The following SMAP2 variants were observed in gnomAD, a reference collection of about 807,000 sequenced individuals.
SMAP2 encodes the protein stromal membrane-associated protein 2.
In SMAP2, 25 loss-of-function variants were observed where a neutral mutation model predicts 56.4. The ratio of observed to expected loss-of-function variants is 0.44; its 90% confidence interval spans 0.32 to 0.62. The LOEUF (loss-of-function observed/expected upper bound fraction) is 0.62, where lower values mean the gene tolerates loss of function less well. SMAP2 is among the 20% of genes least tolerant of loss of function. The pLI, the probability that SMAP2 is intolerant of heterozygous loss-of-function variation, is 0.04. For missense variants in SMAP2, 388 were observed against 545.6 expected (o/e 0.71, Z 2.88); for synonymous variants, 157 against 181.7 (o/e 0.86, Z 1.09).
At chr1:40,409,096 G>A (rs1644911797) in intron 3 of SMAP2, among the ~76,000 whole-genome samples, 1 of 152,140 alleles carries the variant, frequency 6.6e-6, no homozygotes, top group African/African-American at 2.4e-5. Flanking sequence ...CAGCAAAATT[G>A]CCATTCATTT....
At chr1:40,372,826 C>T (rs1465518601), upstream of SMAP2, among the ~76,000 whole-genome samples, 2 of 152,186 alleles carry the variant, frequency 1.3e-5, no homozygotes, top group East Asian at 1.9e-4. Flanking sequence ...GTTTCCCTCT[C>T]CCCTAGTACA....
intron 1 of SMAP2, among the ~76,000 whole-genome samples, chr1:40,353,479 C>T (rs1488974351): frequency 6.6e-6 from 1 of 152,202 alleles, no homozygotes; most frequent in African/African-American, 2.4e-5. Flanking sequence ...AGTGATTCTC[C>T]TGCCTCAGCC....
chr1:40,377,544 G>C (rs918459193), intron 1 of SMAP2, among the ~76,000 whole-genome samples: 1 of 152,106 alleles, frequency 6.6e-6, no homozygotes, highest in African/African-American at 2.4e-5. Context: ...AAAGCCCTGG[G>C]GTTAATGTGA....
rs1490291813 is a variant in SMAP2 at position 40,422,002 on chromosome 1, C to T, written c.1191C>T (p.Asn397=). The T allele has an allele frequency of 1.2e-6, 2 of 1,614,038 alleles. No homozygotes were observed. Among genetic ancestry groups the T allele is most frequent in the Non-Finnish European group, 1.7e-6 (2 of 1,180,040 alleles). Reference sequence around the variant, plus strand: ...TGACCCAGCAGATGGCTGGGATGAACTTCTATGGAGCCAATGGCATGATGA... The same window carrying T: ...TGACCCAGCAGATGGCTGGGATGAATTTCTATGGAGCCAATGGCATGATGA... ...TQMTQQMAGM[N]FYGANGMMNY... Residue 397 remains asparagine, a synonymous_variant, in exon 10 of 10, where the codon AAC becomes AAT. Transcript: ENST00000372718.
At chr1:40,388,913 G>C (rs1319539553) in intron 1 of SMAP2, among the ~76,000 whole-genome samples, 1 of 152,046 alleles carries the variant, frequency 6.6e-6, no homozygotes, top group Non-Finnish European at 1.5e-5. Context: ...CCACCGGGAG[G>C]AACGAACAAT....
At chr1:40,384,261 C>T (rs1195224845) in intron 1 of SMAP2, among the ~76,000 whole-genome samples, 1 of 152,140 alleles carries the variant, frequency 6.6e-6, no homozygotes, top group Non-Finnish European at 1.5e-5. Flanking sequence ...TTATCTTGTG[C>T]TGCATGTTAG....
Position 40,374,624 on chromosome 1 carries a change from T to TGTGA in SMAP2, c.103+402_103+403insTGAG, listed in dbSNP as rs1553189351. On this transcript the variant is annotated intron_variant, in intron 1 of 9. Transcript: ENST00000372718. The surrounding 1 kb of genome is among the most constrained non-coding windows in gnomAD (Gnocchi z 5.9). ...GTGTGTGTGTGTGTGTGTGTGTGTG[T>TGTGA]GAGAGAGAGAGAGAGAGAATGACGA... 11,879 of 821,132 alleles carry TGTGA rather than the reference T, an allele frequency of 0.014. 75 individuals carry two copies. Among genetic ancestry groups the TGTGA allele is most frequent in the Non-Finnish European group, 0.016 (8,357 of 521,516 alleles). 50.9% of individuals were successfully genotyped at this position (821,132 alleles called of 1,614,324 possible). A position where few individuals can be genotyped will look rare whatever the true frequency, so the allele number is the denominator to read the frequency against.
chr1:40,419,041 A>T (rs446738), intron 9 of SMAP2, among the ~76,000 whole-genome samples: 90,259 of 151,872 alleles, frequency 0.59, 27,491 homozygotes, highest in Middle Eastern at 0.72. Context: ...CAGAATATAC[A>T]TTATATTCTG....
At chr1:40,355,386 T>C (rs1414649239) in intron 1 of SMAP2, among the ~76,000 whole-genome samples, 1 of 152,186 alleles carries the variant, frequency 6.6e-6, no homozygotes, top group Non-Finnish European at 1.5e-5. Flanking sequence ...TCAATATGTA[T>C]TTATAATTGC....
At chr1:40,391,164 A>G (rs1386579403) in intron 1 of SMAP2, among the ~76,000 whole-genome samples, 1 of 152,126 alleles carries the variant, frequency 6.6e-6, no homozygotes, top group Non-Finnish European at 1.5e-5. Context: ...CCTTGAGGGG[A>G]AATCGTTTCT....
intron 1 of SMAP2, among the ~76,000 whole-genome samples, chr1:40,382,479 G>GTGCCTACC (rs1198524493): frequency 1.3e-5 from 2 of 152,150 alleles, no homozygotes; most frequent in East Asian, 3.9e-4. Flanking sequence ...TAAGCATACA[G>GTGCCTACC]TGCCTACCTT....
At chr1:40,410,397 T>C (rs1030154663) in intron 4 of SMAP2, among the ~76,000 whole-genome samples, 2 of 151,702 alleles carry the variant, frequency 1.3e-5, no homozygotes, top group African/African-American at 2.4e-5. Context: ...TTTCTTGGGA[T>C]GGACATGTTG....
intron 1 of SMAP2, among the ~76,000 whole-genome samples, chr1:40,399,310 A>ATTTTTTTTTT (rs747127620): frequency 1.1e-3 from 97 of 91,930 alleles, no homozygotes; most frequent in Non-Finnish European, 1.5e-3. Context: ...ACGTGTGGCT[A>ATTTTTTTTTT]TTTTTTTTTT....
intron 1 of SMAP2, among the ~76,000 whole-genome samples, chr1:40,352,818 A>G (rs1271086979): frequency 6.6e-6 from 1 of 152,116 alleles, no homozygotes; most frequent in Non-Finnish European, 1.5e-5. Flanking sequence ...GTGAGCCACC[A>G]CACGCGGCGC....
intron 1 of SMAP2, among the ~76,000 whole-genome samples, chr1:40,403,270 C>A: frequency 6.6e-6 from 1 of 152,152 alleles, no homozygotes; most frequent in Non-Finnish European, 1.5e-5. Context: ...CTTTGAGAGG[C>A]CAAGGCGGGT....
At chr1:40,361,169 G>A (rs898758268) in intron 1 of SMAP2, among the ~76,000 whole-genome samples, 6 of 152,196 alleles carry the variant, frequency 3.9e-5, no homozygotes, top group African/African-American at 1.4e-4. Context: ...GTAGGATAGG[G>A]CACCAGGCAG....
rs1041930817 is a variant in SMAP2, at chr1:40,385,593, C to G, written c.103+11370C>G. 1.3e-5 allele frequency among the ~76,000 whole-genome samples: 2 copies of G among 152,200 alleles called. No homozygotes were observed. The highest frequency in any genetic ancestry group is 4.8e-5 in the African/African-American group (2 of 41,450). On this transcript the variant is annotated intron_variant, in intron 1 of 9. Transcript: ENST00000372718. This position sits in a 1 kb window ranked among gnomAD's most constrained non-coding sequence, Gnocchi z 4.5. ...AAGCAAATGCGAGAGGGAGAGAGAC[C>G]TACTCTCAGCTGTAGCTGATAAGTG...
chr1:40,355,672 A>T (rs209594), intron 1 of SMAP2, among the ~76,000 whole-genome samples: 28,738 of 152,120 alleles, frequency 0.19, 3,886 homozygotes, highest in African/African-American at 0.39. Context: ...CCCAGGCTGG[A>T]GTGCAGTGGC....
chr1:40,391,784 T>TTTTTG (rs1240393675), intron 1 of SMAP2, among the ~76,000 whole-genome samples: 5 of 152,232 alleles, frequency 3.3e-5, no homozygotes, highest in East Asian at 3.9e-4. Context: ...CAGCTTTAGT[T>TTTTTG]TTTTGTTTTG....
Sources: gnomAD v4.1 joint callset for allele counts (sites outside exome capture counted in the v4.1 genomes callset) on GRCh38, gnomAD v4.1.1 for gene constraint, Gnocchi (gnomAD v3.1) non-coding constraint, MANE v1.5 for transcripts, NCBI Gene and HGNC (gene_info 2026-07-23, HGNC 2026-07-21) for gene names.